LITAF: variants seen among roughly 807,000 people sequenced by gnomAD.
LITAF encodes the protein lipopolysaccharide-induced tumor necrosis factor-alpha factor.
A neutral mutation model predicts 14.5 loss-of-function variants in LITAF; 9 were observed. The observed-to-expected ratio is 0.62, with a 90% CI of 0.37 to 1.08. LITAF has a LOEUF of 1.08. Ranked by LOEUF, LITAF falls within the 50% of genes least tolerant of loss-of-function variation. The pLI is 0.01. For missense variants in LITAF, 206 were observed against 213.4 expected (o/e 0.97, Z 0.22); for synonymous variants, 98 against 88.2 (o/e 1.11, Z -0.62).
chr16:11,604,770 T>TC, intron 3 of LITAF, among the ~76,000 whole-genome samples: 1 of 151,942 alleles, frequency 6.6e-6, no homozygotes, highest in South Asian at 2.1e-4. Flanking sequence ...CTTTTCTTTT[T>TC]TTTTTTTTAG....
intron 3 of LITAF, among the ~76,000 whole-genome samples, chr16:11,627,298 C>G (rs1203278709): frequency 6.6e-6 from 1 of 152,174 alleles, no homozygotes; most frequent in East Asian, 1.9e-4. Context: ...CGGAGCTGCC[C>G]AGCACCATCT....
intron 3 of LITAF, among the ~76,000 whole-genome samples, chr16:11,618,667 C>A (rs748062868): frequency 1.8e-4 from 27 of 152,146 alleles, no homozygotes; most frequent in Non-Finnish European, 3.1e-4. Context: ...GGGGAGGGGG[C>A]GCTTCATAGA....
chr16:11,625,531 G>A (rs1205168240), intron 3 of LITAF, among the ~76,000 whole-genome samples: 1 of 152,110 alleles, frequency 6.6e-6, no homozygotes, highest in African/African-American at 2.4e-5. Flanking sequence ...CCAAAGTGCT[G>A]AGATTACAGG....
At chr16:11,625,477 G>A (rs979524846) in intron 3 of LITAF, among the ~76,000 whole-genome samples, 10 of 151,998 alleles carry the variant, frequency 6.6e-5, no homozygotes, top group African/African-American at 2.2e-4. Flanking sequence ...TGCCTAGGCT[G>A]GTCTCCAACT....
intron 3 of LITAF, among the ~76,000 whole-genome samples, chr16:11,550,749 G>A (rs1007360496): frequency 1.3e-5 from 2 of 151,874 alleles, no homozygotes; most frequent in Admixed American, 6.6e-5. Context: ...TTCCACCTCC[G>A]CCTCCCAAAT....
intron 1 of LITAF, among the ~76,000 whole-genome samples, chr16:11,557,400 G>T (rs1452995826): frequency 6.6e-6 from 1 of 152,134 alleles, no homozygotes; most frequent in Non-Finnish European, 1.5e-5. Flanking sequence ...AAAAATCTCA[G>T]TTGTACAATT....
chr16:11,597,773 T>C (rs2064899565), intron 1 of LITAF, among the ~76,000 whole-genome samples: 1 of 152,098 alleles, frequency 6.6e-6, no homozygotes, highest in South Asian at 2.1e-4. Flanking sequence ...CCCTCCGCAG[T>C]CTGAAGGAGA....
At chr16:11,593,249 G>A (rs7201515) in intron 1 of LITAF, among the ~76,000 whole-genome samples, 27,527 of 151,284 alleles carry the variant, frequency 0.18, 2,816 homozygotes, top group Non-Finnish European at 0.2. Context: ...CCAACTACTC[G>A]GGAGGCTGAG....
At chr16:11,609,011 T>C (rs1288942525) in intron 3 of LITAF, among the ~76,000 whole-genome samples, 1 of 150,122 alleles carries the variant, frequency 6.7e-6, no homozygotes, top group Non-Finnish European at 1.5e-5. Context: ...TACAGTTCCA[T>C]TGATGTGAAA....
chr16:11,621,151 G>A (rs930997362), intron 3 of LITAF, among the ~76,000 whole-genome samples: 5 of 151,740 alleles, frequency 3.3e-5, no homozygotes, highest in Admixed American at 6.6e-5. Flanking sequence ...CGCAACCTCC[G>A]CCTCCCAGGT....
At chr16:11,566,709 C>T (rs758803931) in intron 1 of LITAF, among the ~76,000 whole-genome samples, 1 of 151,786 alleles carries the variant, frequency 6.6e-6, no homozygotes, top group Non-Finnish European at 1.5e-5. Context: ...GAGGTTGAGG[C>T]TGCAGTAAGC....
At chr16:11,572,941 T>TTC (rs1040722902) in intron 1 of LITAF, among the ~76,000 whole-genome samples, 3 of 151,556 alleles carry the variant, frequency 2.0e-5, no homozygotes, top group African/African-American at 7.3e-5. Flanking sequence ...TCTTTTTTTT[T>TTC]TTTTTGAGAC....
At chr16:11,551,508 A>G (rs146797337) in intron 3 of LITAF, among the ~76,000 whole-genome samples, 6 of 152,296 alleles carry the variant, frequency 3.9e-5, no homozygotes, top group African/African-American at 9.6e-5. Context: ...GGTTGCCTCA[A>G]TTTCTAAAGC....
chr16:11,603,405 C>T (rs563424307), upstream of LITAF, among the ~76,000 whole-genome samples: 2 of 152,304 alleles, frequency 1.3e-5, no homozygotes, highest in East Asian at 1.9e-4. Flanking sequence ...CTCTGCCTCC[C>T]GAGGGGTTTC....
chr16:11,602,744 T>A (rs913518372), upstream of LITAF, among the ~76,000 whole-genome samples: 15 of 144,928 alleles, frequency 1.0e-4, no homozygotes, highest in Non-Finnish European at 1.5e-5. Flanking sequence ...GATCTATTGT[T>A]CACTGTGGCT....
At chr16:11,600,862 C>T (rs542464627), upstream of LITAF, among the ~76,000 whole-genome samples, 75 of 152,072 alleles carry the variant, frequency 4.9e-4, 1 homozygote, top group African/African-American at 1.7e-3. This position sits in a 1 kb window ranked among gnomAD's most constrained non-coding sequence, Gnocchi z 4.1. Context: ...TCCAATGTCC[C>T]GCATATCCTC....
At chr16:11,636,452 G>A (rs1333179335), upstream of LITAF, 1 of 152,274 alleles carries the variant, frequency 6.6e-6, no homozygotes, top group Non-Finnish European at 1.5e-5. Flanking sequence ...AGGGCATGAA[G>A]ATTGGTCAGA....
intron 3 of LITAF, among the ~76,000 whole-genome samples, chr16:11,621,618 C>G (rs2065051799): frequency 1.3e-5 from 2 of 152,202 alleles, no homozygotes; most frequent in Non-Finnish European, 2.9e-5. Flanking sequence ...CAGAAGGGAA[C>G]ATCCCAGCCC....
At chr16:11,608,076 G>A (rs1380345501) in intron 3 of LITAF, among the ~76,000 whole-genome samples, 1 of 152,168 alleles carries the variant, frequency 6.6e-6, no homozygotes, top group African/African-American at 2.4e-5. Context: ...GCCTGCCCCA[G>A]TACATCATCC....
Sources: allele counts gnomAD v4.1 joint callset (sites outside exome capture counted in the v4.1 genomes callset), GRCh38; gene constraint gnomAD v4.1.1; non-coding constraint Gnocchi (gnomAD v3.1); transcripts MANE v1.5; gene names NCBI Gene and HGNC (gene_info 2026-07-23, HGNC 2026-07-21).